The following ATP13A1 variants were observed in gnomAD, a reference collection of about 807,000 sequenced individuals.
ATP13A1 encodes the protein endoplasmic reticulum transmembrane helix translocase.
A neutral mutation model predicts 134.8 loss-of-function variants in ATP13A1; 55 were observed. That is an observed-to-expected ratio of 0.41 (90% CI 0.33 to 0.51). ATP13A1 has a LOEUF of 0.51. Among genes scored for constraint, ATP13A1 ranks in the 20% least tolerant of loss-of-function variants. The pLI is 0.29. For synonymous variants in ATP13A1, 775 were observed against 725.1 expected, an observed-to-expected ratio of 1.07 and a Z score of -1.10; for missense variants, 1,389 against 1,652.8, an observed-to-expected ratio of 0.84 and a Z score of 2.77.
rs2062065275 is a variant in ATP13A1 at position 19,657,237 on chromosome 19, G to T, written c.751-88C>A. The T allele has an allele frequency of 3.4e-6, 5 of 1,489,928 alleles. No individual in the cohort carries two copies. The South Asian group carries it at 6.7e-5, about 20-fold the overall frequency. The allele number at this position is 1,489,928 out of a possible 1,614,324, so 92.3% of individuals were successfully genotyped here. ...CCACCGGATCTGATATGTGAGGGTG[G>T]GGAGAGGCTTCCAGGTTTAGAAGTG... On this transcript the variant is annotated intron_variant, in intron 4 of 25. Coordinates refer to ENST00000357324, the MANE Select transcript of ATP13A1 (RefSeq NM_020410.3).
intron 19 of ATP13A1, among the ~76,000 whole-genome samples, chr19:19,648,498 C>CAAAAAAAA (rs35645918): frequency 5.0e-5 from 5 of 100,158 alleles, no homozygotes; most frequent in Non-Finnish European, 6.6e-5. Context: ...TGAGTTCTTG[C>CAAAAAAAA]AAAAAAAAAA....
At chr19:19,646,117 C>T in intron 23 of ATP13A1, 88 bp downstream of exon 23, 1 of 1,599,302 alleles carries the variant, frequency 6.3e-7, no homozygotes. Context: ...CCCTGGACAA[C>T]CCCCAGCCTC....
Position 19,645,423 on chromosome 19 carries a change from C to T in ATP13A1, c.3614G>A (p.Ter1205=). Residue 1205 remains the stop codon, a stop_retained_variant, in exon 26 of 26, where the codon TGA becomes TAA. Coordinates refer to ENST00000357324, the MANE Select transcript of ATP13A1 (RefSeq NM_020410.3). This position sits in a 1 kb window ranked among gnomAD's most constrained non-coding sequence, Gnocchi z 4.1. ...LGTPKLKVPS[*] is the part of the protein sequence containing the mutation. ...GCAGTGGGTACCAGCACTGCCATCT[C>T]AGGAAGGCACTTTCAGCTTCGGGGT... 6.3e-7 allele frequency: 1 copy of T among 1,596,900 alleles called. No individual in the cohort carries two copies. Among genetic ancestry groups the T allele is most frequent in the Non-Finnish European group, 8.5e-7 (1 of 1,172,964 alleles).
At position 19,653,927 on chromosome 19, in the gene ATP13A1, C is replaced by T. The variant is rs1394194768; in HGVS notation, c.1990-33G>A. 1.9e-6 allele frequency: 3 copies of T among 1,569,118 alleles called. No homozygotes were observed. Among genetic ancestry groups the T allele is most frequent in the Non-Finnish European group, 2.6e-6 (3 of 1,157,832 alleles). On this transcript the variant is annotated intron_variant, in intron 14 of 25. Transcript: ENST00000357324. The surrounding 1 kb of genome is among the most constrained non-coding windows in gnomAD (Gnocchi z 4.2). The stretch of plus-strand genomic sequence containing the variant: ...GAATGCAGGGGGATGTCACGGGCTG[C>T]CCCGCGCCCCCACCCCTTGCCCCAG...
In ATP13A1 at chr19:19,652,982, A is replaced by T. The variant is rs965123035; in HGVS notation, c.2101-262T>A. On this transcript the variant is annotated intron_variant, in intron 15 of 25. Transcript: ENST00000357324. ...GCTTGCGGACATGGGCACATCACAGAGTCCCTTGTGGCTCAGCTTCCAAGT... is the reference window on the plus strand; with the variant it reads ...GCTTGCGGACATGGGCACATCACAGTGTCCCTTGTGGCTCAGCTTCCAAGT... The T allele has an allele frequency of 6.2e-4, 296 of 474,974 alleles. 2 individuals carry two copies. The highest frequency in any genetic ancestry group is 1.5e-4 in the Admixed American group (4 of 26,354). 29.4% of individuals were successfully genotyped at this position (474,974 alleles called of 1,614,324 possible). A position where few individuals can be genotyped will look rare whatever the true frequency, so the allele number is the denominator to read the frequency against.
At chr19:19,650,058 T>C in intron 17 of ATP13A1, 118 bp from the exon 18 acceptor site, 2 of 914,442 alleles carry the variant, frequency 2.2e-6, no homozygotes, top group South Asian at 3.2e-5. Context: ...CGCACCTCCC[T>C]ACCCACCCAG....
At position 19,663,367 on chromosome 19, in the gene ATP13A1, C is replaced by T; in HGVS notation, c.300G>A (p.Ala100=). Residue 100 remains alanine (A), a synonymous_variant, in exon 1 of 26, where the codon GCG becomes GCA. Transcript: ENST00000357324. ...GGCAGATGGTGGCAAGCACGAGCAG[C>T]GCAGCTTCGGGGATCTGCACCCAAC... ...GSSWVQIPEA[A]LLVLATICLA... 1 of 1,590,270 alleles carries T rather than the reference C, an allele frequency of 6.3e-7. No homozygotes were observed. The highest frequency in any genetic ancestry group is 8.5e-7 in the Non-Finnish European group (1 of 1,169,844).
At position 19,655,424 on chromosome 19, in the gene ATP13A1, T is replaced by C; in HGVS notation, c.1426A>G (p.Lys476Glu). The change falls in exon 11 of 26, where the codon AAG becomes GAG. Residue 476 changes from lysine (K) to glutamate (E), a missense_variant. This residue lies in a region of ATP13A1 where 747 missense variants were observed against 956.1 expected (regional missense o/e 0.78). Coordinates refer to ENST00000357324, the MANE Select transcript of ATP13A1 (RefSeq NM_020410.3). This position sits in a 1 kb window ranked among gnomAD's most constrained non-coding sequence, Gnocchi z 5.7. ...ATCAGGGTGCACTCCAGAAACAGCT[T>C]GTAGCGGTTCCGGCTGGGGTCCTTG... is the stretch of plus-strand genomic sequence containing the variant. ...GTKDPSRNRY[K>E]LFLECTLILT... The C allele has an allele frequency of 1.2e-6, 2 of 1,613,898 alleles. No individual in the cohort carries two copies. The highest frequency in any genetic ancestry group is 1.7e-6 in the Non-Finnish European group (2 of 1,179,850).
chr19:19,648,842 T>C (rs8107058), intron 19 of ATP13A1, among the ~76,000 whole-genome samples: 41,496 of 126,740 alleles, frequency 0.33, 6,785 homozygotes, highest in Middle Eastern at 0.49. Context: ...CAGGGTTCGG[T>C]GGGATGCAGT....
intron 15 of ATP13A1, 91 bp from the exon 16 acceptor site, chr19:19,652,811 G>A: frequency 6.8e-7 from 1 of 1,463,818 alleles, no homozygotes. Context: ...TGGGAGCCAA[G>A]GGGACAATGG....
intron 1 of ATP13A1, chr19:19,663,046 C>A: frequency 1.4e-6 from 1 of 735,198 alleles, no homozygotes; most frequent in South Asian, 1.5e-5. Context: ...ATGACCATAA[C>A]AGGGAGGACT....
chr19:19,655,200 C>T lies in ATP13A1; in HGVS notation c.1574G>A (p.Gly525Asp), dbSNP rs775809131. 6.2e-7 allele frequency: 1 copy of T among 1,613,886 alleles called. No homozygotes were observed. Among genetic ancestry groups the T allele is most frequent in the Non-Finnish European group, 8.5e-7 (1 of 1,179,890 alleles). The change falls in exon 12 of 26, where the codon GGC (glycine) becomes GAC (aspartate). Residue 525 changes from glycine (G) to aspartate (D), a missense_variant. Transcript: ENST00000357324. The surrounding 1 kb of genome is among the most constrained non-coding windows in gnomAD (Gnocchi z 5.7). ...GTCAAAGCAGCACACCTCGACCTTG[C>T]CAGCAAAGGGGATCCGGAAGGGCTC... ...CTEPFRIPFA[G>D]KVEVCCFDKT... is the part of the protein sequence containing the mutation.
chr19:19,653,665 G>A lies in ATP13A1; in HGVS notation c.2100+119C>T, dbSNP rs969070446. 7 of 948,200 alleles carry A rather than the reference G, an allele frequency of 7.4e-6. No individual in the cohort carries two copies. In the African/African-American group the frequency reaches 8.2e-5, roughly 11 times the overall value. 58.7% of individuals were successfully genotyped at this position (948,200 alleles called of 1,614,324 possible). A position where few individuals can be genotyped will look rare whatever the true frequency, so the allele number is the denominator to read the frequency against. On this transcript the variant is annotated intron_variant, in intron 15 of 25. Transcript: ENST00000357324. The surrounding 1 kb of genome is among the most constrained non-coding windows in gnomAD (Gnocchi z 4.2). ...GTCTCCAAAGGTAGAAGCTGGAGGC[G>A]GGGCAAGGAGGACAAAATCACAACC...
rs535335446 is a variant in ATP13A1, at chr19:19,645,356, C to T, written c.*66G>A. The T allele has an allele frequency of 4.0e-5, 61 of 1,512,730 alleles. No individual in the cohort carries two copies. Among genetic ancestry groups the T allele is most frequent in the Admixed American group, 1.6e-4 (8 of 50,828 alleles). The allele number at this position is 1,512,730 out of a possible 1,614,324, so 93.7% of individuals were successfully genotyped here. ...GGGGGTTGGGGGCAGGGTTCCCTCCCGGGGCCCTGTTGGGGTTCCCGCCCA... is the reference window on the plus strand; with the variant it reads ...GGGGGTTGGGGGCAGGGTTCCCTCCTGGGGCCCTGTTGGGGTTCCCGCCCA... On this transcript the variant is annotated 3_prime_UTR_variant, in exon 26 of 26. Transcript: ENST00000357324. This position sits in a 1 kb window ranked among gnomAD's most constrained non-coding sequence, Gnocchi z 4.1.
chr19:19,659,859 T>G, intron 2 of ATP13A1, 39 bp downstream of exon 2: 1 of 1,591,738 alleles, frequency 6.3e-7, no homozygotes, highest in Non-Finnish European at 8.6e-7. Context: ...GGAATCCTAC[T>G]CAAGCCCCTC....
Position 19,645,567 on chromosome 19 carries a change from C to A in ATP13A1, c.3505-35G>T. ...CAGGGAGGGATGGTGAGCTGGAGACCTGCAGCCCAGCTCAGGGTCACTGCC... is the reference window on the plus strand; with the variant it reads ...CAGGGAGGGATGGTGAGCTGGAGACATGCAGCCCAGCTCAGGGTCACTGCC... On this transcript the variant is annotated intron_variant, in intron 25 of 25. Transcript: ENST00000357324. The surrounding 1 kb of genome is among the most constrained non-coding windows in gnomAD (Gnocchi z 4.1). 6.4e-7 allele frequency: 1 copy of A among 1,569,208 alleles called. No individual in the cohort carries two copies.
chr19:19,652,191 T>C (rs1451081805), intron 16 of ATP13A1, among the ~76,000 whole-genome samples: 3 of 151,984 alleles, frequency 2.0e-5, no homozygotes, highest in Non-Finnish European at 4.4e-5. Flanking sequence ...CTGAGACGGC[T>C]CACTCACCCC....
rs781577208 is a variant in ATP13A1, at chr19:19,653,979, A to G, written c.1979T>C (p.Leu660Pro). 6.3e-7 allele frequency: 1 copy of G among 1,595,604 alleles called. No individual in the cohort carries two copies. Among genetic ancestry groups the G allele is most frequent in the Non-Finnish European group, 8.5e-7 (1 of 1,171,630 alleles). ...IAAVKGAPET[L>P]HSMFSQCPPD... ...CTGGGGCCAGCTCACCATGGAGTGC[A>G]GAGTTTCGGGGGCCCCCTTCACGGC... Residue 660 changes from leucine (L) to proline (P), a missense_variant, in exon 14 of 26, where the codon CTG (leucine) becomes CCG (proline). Transcript: ENST00000357324. This position sits in a 1 kb window ranked among gnomAD's most constrained non-coding sequence, Gnocchi z 4.2.
At chr19:19,652,817 A>G in intron 15 of ATP13A1, 97 bp from the exon 16 acceptor site, 2 of 1,451,848 alleles carry the variant, frequency 1.4e-6, no homozygotes, top group East Asian at 2.5e-5. Flanking sequence ...CCAAGGGGAC[A>G]ATGGAAGGCC....
Sources: allele counts gnomAD v4.1 joint callset (sites outside exome capture counted in the v4.1 genomes callset), GRCh38; gene constraint gnomAD v4.1.1; regional missense constraint gnomAD v4.1.1; non-coding constraint Gnocchi (gnomAD v3.1); transcripts MANE v1.5; gene names NCBI Gene and HGNC (gene_info 2026-07-23, HGNC 2026-07-21).